The following NXPE4 variants were observed in gnomAD, a reference collection of about 807,000 sequenced individuals.
NXPE4 encodes neurexophilin and PC-esterase domain family member 4, also known as NXPE family member 4.
Under a neutral mutation model 33.3 loss-of-function variants are expected in NXPE4, and 42 were observed. The ratio of observed to expected loss-of-function variants is 1.26; its 90% CI spans 0.98 to 1.63. The LOEUF (loss-of-function observed/expected upper bound fraction) is 1.63, where lower values mean the gene tolerates loss of function less well. NXPE4 is among the 40% of genes most tolerant of loss of function. NXPE4 has a pLI of 0.00. For synonymous variants in NXPE4, 253 were observed against 234.9 expected (o/e 1.08, Z -0.71); for missense variants, 709 against 647.6 (o/e 1.09, Z -1.03).
the NXPE4 span, among the ~76,000 whole-genome samples, chr11:114,605,371 A>G: frequency 6.6e-6 from 1 of 151,468 alleles, no homozygotes. Flanking sequence ...CTGCTGCATA[A>G]TAAGTATTGC....
the NXPE4 span, among the ~76,000 whole-genome samples, chr11:114,674,491 T>C: frequency 1.3e-5 from 2 of 151,532 alleles, no homozygotes; most frequent in Non-Finnish European, 3.0e-5. Flanking sequence ...CCATAGTATG[T>C]TTTATGCAAA....
chr11:114,640,395 A>C, the NXPE4 span, among the ~76,000 whole-genome samples: 3 of 150,948 alleles, frequency 2.0e-5, no homozygotes, highest in Non-Finnish European at 4.4e-5. Flanking sequence ...TGTGTTCGTC[A>C]GTTGTGAATT....
chr11:114,580,325 T>C lies in NXPE4; in HGVS notation c.906A>G (p.Ala302=). 1 of 1,613,928 alleles carries C rather than the reference T, an allele frequency of 6.2e-7. No homozygotes were observed. The highest frequency in any genetic ancestry group is 1.7e-5 in the Admixed American group (1 of 60,022). ...SVSKCNKETV[A]MKEKCKFGMT... is the part of the protein sequence containing the mutation. ...TTCCAAACTTGCATTTCTCTTTCAT[T>C]GCAACTGTTTCTTCTGCCAAAGAAT... The change falls in exon 5 of 6, where the codon GCA becomes GCG. Residue 302 remains alanine (A), a synonymous_variant. Transcript: ENST00000375478.
At chr11:114,577,044 G>GTT (rs1949017312) in intron 5 of NXPE4, among the ~76,000 whole-genome samples, 2 of 25,740 alleles carry the variant, frequency 7.8e-5, no homozygotes, top group Non-Finnish European at 1.4e-4. Flanking sequence ...TATATATAAA[G>GTT]TTATATATAT....
intron 3 of NXPE4, 86 bp from the exon 4 acceptor site, chr11:114,581,872 A>G (rs890034294): frequency 6.7e-6 from 6 of 893,076 alleles, no homozygotes; most frequent in Non-Finnish European, 8.9e-6. Flanking sequence ...TGCCTCAGTT[A>G]TTTCTTAGAG....
In NXPE4 at chr11:114,580,172, C is replaced by G; in HGVS notation, c.1059G>C (p.Thr353=). 4 of 1,614,012 alleles carry G rather than the reference C, an allele frequency of 2.5e-6. No individual in the cohort carries two copies. Among genetic ancestry groups the G allele is most frequent in the Non-Finnish European group, 3.4e-6 (4 of 1,179,928 alleles). The part of the protein sequence containing the change: ...GKLIYLMGDS[T]IRQWMEYFKA... ...TGAAGTATTCCATCCACTGGCGGATCGTGGAATCTCCCATTAGGTATATGA... is the reference window on the plus strand; with the variant it reads ...TGAAGTATTCCATCCACTGGCGGATGGTGGAATCTCCCATTAGGTATATGA... The change falls in exon 5 of 6, where the codon ACG becomes ACC. Residue 353 remains threonine (T), a synonymous_variant. Coordinates refer to ENST00000375478, the MANE Select transcript of NXPE4 (RefSeq NM_001077639.2).
chr11:114,619,145 C>T, the NXPE4 span, among the ~76,000 whole-genome samples: 20 of 151,878 alleles, frequency 1.3e-4, no homozygotes, highest in African/African-American at 4.8e-4. Context: ...CACTGTTACC[C>T]AGTGGGTAAT....
the NXPE4 span, among the ~76,000 whole-genome samples, chr11:114,642,277 T>C: frequency 1.5e-4 from 23 of 152,036 alleles, 2 homozygotes; most frequent in Admixed American, 1.4e-3. Context: ...AATTGAGGGA[T>C]ACTGTTTATA....
the NXPE4 span, among the ~76,000 whole-genome samples, chr11:114,602,835 A>G: frequency 6.8e-6 from 1 of 147,022 alleles, no homozygotes; most frequent in African/African-American, 2.5e-5. Flanking sequence ...ATTATCTCAT[A>G]TAATTACAGA....
the NXPE4 span, among the ~76,000 whole-genome samples, chr11:114,651,500 A>G: frequency 2.6e-5 from 4 of 152,200 alleles, no homozygotes; most frequent in East Asian, 1.9e-4. Flanking sequence ...AAAGAGCAAA[A>G]GAACAAACCT....
chr11:114,577,121 A>G (rs1309473009), intron 5 of NXPE4, among the ~76,000 whole-genome samples: 2 of 143,324 alleles, frequency 1.4e-5, no homozygotes, highest in African/African-American at 5.1e-5. Flanking sequence ...ACACATATAT[A>G]TAAAGTTATA....
In NXPE4 at chr11:114,586,576, T is replaced by G. The variant is rs369044449; in HGVS notation, c.97-3555A>C. On this transcript the variant is annotated intron_variant, in intron 2 of 5. Transcript: ENST00000375478. ...CCCCATGTCCTCAGGGTGCTGGGAATGTTGGCTTTGTTTCTAATTGGTTTC... is the reference window on the plus strand; with the variant it reads ...CCCCATGTCCTCAGGGTGCTGGGAAGGTTGGCTTTGTTTCTAATTGGTTTC... Among the ~76,000 whole-genome samples the G allele has an allele frequency of 3.9e-5, 6 of 152,234 alleles. No individual in the cohort carries two copies. The East Asian group carries it at 1.2e-3, about 29-fold the overall frequency.
chr11:114,604,279 A>C, the NXPE4 span, among the ~76,000 whole-genome samples: 1 of 151,972 alleles, frequency 6.6e-6, no homozygotes, highest in Non-Finnish European at 1.5e-5. Context: ...CCTGCTAGAT[A>C]ATAAGTGTTG....
the NXPE4 span, among the ~76,000 whole-genome samples, chr11:114,635,515 G>T: frequency 1.3e-5 from 2 of 151,994 alleles, no homozygotes; most frequent in South Asian, 2.1e-4. Flanking sequence ...AATAGGAGTG[G>T]TGAGAGAGGG....
At chr11:114,632,179 A>G in the NXPE4 span, among the ~76,000 whole-genome samples, 33 of 131,512 alleles carry the variant, frequency 2.5e-4, no homozygotes, top group African/African-American at 8.2e-4. Context: ...TATAATATAT[A>G]ATAAATAAAT....
the NXPE4 span, among the ~76,000 whole-genome samples, chr11:114,614,439 G>A: frequency 2.0e-5 from 3 of 151,646 alleles, no homozygotes; most frequent in African/African-American, 4.8e-5. Context: ...GTATTGCCTC[G>A]TGGGTAACCA....
chr11:114,671,988 A>AAAACTT, the NXPE4 span, among the ~76,000 whole-genome samples: 1 of 152,064 alleles, frequency 6.6e-6, no homozygotes, highest in Non-Finnish European at 1.5e-5. Context: ...GAGGCCTCAG[A>AAAACTT]AAACTTACAA....
chr11:114,583,403 A>G (rs1383022950), intron 2 of NXPE4: 3 of 630,690 alleles, frequency 4.8e-6, no homozygotes, highest in Non-Finnish European at 9.1e-6. Context: ...CTACTGAAAA[A>G]TGGAAACCCA....
chr11:114,658,849 A>C, the NXPE4 span, among the ~76,000 whole-genome samples: 1 of 152,288 alleles, frequency 6.6e-6, no homozygotes, highest in East Asian at 1.9e-4. Flanking sequence ...GATCACCAAC[A>C]AAAGAGAATC....
Sources: gnomAD v4.1 joint callset for allele counts (sites outside exome capture counted in the v4.1 genomes callset) on GRCh38, gnomAD v4.1.1 for gene constraint, MANE v1.5 for transcripts, NCBI Gene and HGNC (gene_info 2026-07-23, HGNC 2026-07-21) for gene names.